CELF1: variants seen among roughly 807,000 people sequenced by gnomAD.
CELF1 encodes the protein 50 kDa nuclear polyadenylated RNA-binding protein.
In CELF1, 10 loss-of-function variants were observed where a neutral mutation model predicts 61.8. The ratio of observed to expected loss-of-function variants is 0.16; its 90% CI spans 0.10 to 0.27. The LOEUF (loss-of-function observed/expected upper bound fraction) is 0.27, where lower values mean the gene tolerates loss of function less well. CELF1 is among the 10% of genes least tolerant of loss of function. The pLI, the probability that CELF1 is intolerant of heterozygous loss-of-function variation, is 1.00. For synonymous variants in CELF1, 236 were observed against 225.1 expected (o/e 1.05, Z -0.43); for missense variants, 380 against 639.1 (o/e 0.59, Z 4.37).
chr11:47,491,381 T>C (rs1474082964), intron 3 of CELF1, among the ~76,000 whole-genome samples: 1 of 151,772 alleles, frequency 6.6e-6, no homozygotes, highest in East Asian at 1.9e-4. Context: ...CAGGCTGGTC[T>C]TGAACTGAGC....
At chr11:47,478,740 G>C in intron 10 of CELF1, 137 bp downstream of exon 10, 1 of 642,336 alleles carries the variant, frequency 1.6e-6, no homozygotes. Flanking sequence ...TGAGTCCTGG[G>C]ATGTTTATCC....
intron 7 of CELF1, 115 bp downstream of exon 7, chr11:47,484,274 C>T: frequency 9.0e-7 from 1 of 1,108,662 alleles, no homozygotes; most frequent in Admixed American, 2.5e-5. Context: ...GTGAAGGCAC[C>T]ACTGCACTCC....
At chr11:47,557,718 T>G (rs1012391403), upstream of CELF1, 3 of 150,110 alleles carry the variant, frequency 2.0e-5, no homozygotes, top group Non-Finnish European at 4.4e-5. Context: ...CAGAACTTAG[T>G]GCAGACACCT....
At chr11:47,541,061 G>A (rs776158677) in intron 1 of CELF1, among the ~76,000 whole-genome samples, 32 of 152,170 alleles carry the variant, frequency 2.1e-4, no homozygotes, top group Non-Finnish European at 4.4e-4. Context: ...TGCAGTGTGA[G>A]GGAAAGCGGC....
chr11:47,536,843 A>AAT (rs1458785412), intron 1 of CELF1, among the ~76,000 whole-genome samples: 1 of 152,216 alleles, frequency 6.6e-6, no homozygotes, highest in African/African-American at 2.4e-5. Flanking sequence ...AAAAACAATG[A>AAT]ATATATAATA....
chr11:47,508,572 A>T (rs1597362119), intron 1 of CELF1, among the ~76,000 whole-genome samples: 2 of 284 alleles, frequency 7.0e-3, no homozygotes, highest in Middle Eastern at 0.5. Flanking sequence ...ATTTCTTTAA[A>T]AAAAAAAAAA....
intron 1 of CELF1, among the ~76,000 whole-genome samples, chr11:47,518,230 C>T (rs773569022): frequency 6.6e-5 from 10 of 152,182 alleles, no homozygotes; most frequent in Non-Finnish European, 1.2e-4. Flanking sequence ...TTACATCACA[C>T]CATTTTAAAT....
intron 1 of CELF1, among the ~76,000 whole-genome samples, chr11:47,509,657 G>A (rs1156886973): frequency 1.3e-5 from 2 of 152,130 alleles, no homozygotes; most frequent in East Asian, 1.9e-4. Context: ...TTGGGAGGCC[G>A]AGGCAGGTGG....
chr11:47,494,280 CCT>C (rs761953620), intron 3 of CELF1: 120 of 562,756 alleles, frequency 2.1e-4, no homozygotes, highest in African/African-American at 2.0e-3. Context: ...AAACCTACCC[CCT>C]CTCTTTTTAT....
intron 1 of CELF1, among the ~76,000 whole-genome samples, chr11:47,520,468 C>A (rs2095827239): frequency 6.6e-6 from 1 of 152,174 alleles, no homozygotes; most frequent in African/African-American, 2.4e-5. Flanking sequence ...CCTTCCCATG[C>A]TCCCCTTGTA....
intron 9 of CELF1, among the ~76,000 whole-genome samples, chr11:47,481,096 C>CTTTTTTTTTTTTTTTTTTTTTTTT (rs2082869074): frequency 1.7e-5 from 1 of 57,624 alleles, no homozygotes; most frequent in Non-Finnish European, 3.8e-5. Flanking sequence ...TTTTTTTTTT[C>CTTTTTTTTTTTTTTTTTTTTTTTT]TTCTTCTTTT....
At chr11:47,559,205 C>T (rs775294889) in intron 2 of CELF1, among the ~76,000 whole-genome samples, 2 of 151,076 alleles carry the variant, frequency 1.3e-5, no homozygotes, top group African/African-American at 4.9e-5. Context: ...AAGCAATTCT[C>T]CTACCTCAGC....
In CELF1 at chr11:47,514,250, A is replaced by G. The variant is rs118049223; in HGVS notation, c.-153-13318T>C. 2.7e-3 allele frequency among the ~76,000 whole-genome samples: 408 copies of G among 152,288 alleles called. 1 individual carries two copies. Among genetic ancestry groups the G allele is most frequent in the South Asian group, 9.3e-3 (45 of 4,830 alleles). On this transcript the variant is annotated intron_variant, in intron 1 of 14. Coordinates refer to ENST00000687097, the MANE Select transcript of CELF1 (RefSeq NM_001376376.1). Reference sequence around the variant, plus strand: ...TCAAATACACAGAATTTTCAAATTCAATATTATACTAAGTATAATACTGCA... The same window carrying G: ...TCAAATACACAGAATTTTCAAATTCGATATTATACTAAGTATAATACTGCA...
chr11:47,552,946 C>T, intron 1 of CELF1, 46 bp downstream of exon 1: 1 of 397,012 alleles, frequency 2.5e-6, no homozygotes. Context: ...CCTTTTTTCC[C>T]CTCCCTCCCT....
chr11:47,501,990 T>TTAC (rs2153556880), intron 1 of CELF1, among the ~76,000 whole-genome samples: 1 of 152,312 alleles, frequency 6.6e-6, no homozygotes, highest in South Asian at 2.1e-4. Flanking sequence ...AATGGAGACA[T>TTAC]TACTGAGTTG....
intron 1 of CELF1, among the ~76,000 whole-genome samples, chr11:47,540,872 G>A (rs192895744): frequency 1.5e-3 from 226 of 150,596 alleles, no homozygotes; most frequent in African/African-American, 5.2e-3. Flanking sequence ...GCGACAGAGA[G>A]AGACTCCATC....
chr11:47,560,659 T>C (rs1356382447), intron 2 of CELF1, among the ~76,000 whole-genome samples: 1 of 152,150 alleles, frequency 6.6e-6, no homozygotes, highest in Non-Finnish European at 1.5e-5. Context: ...TTGGTGATAG[T>C]TGTGCAACCC....
At chr11:47,523,461 G>A (rs1415833882) in intron 1 of CELF1, 1 of 152,240 alleles carries the variant, frequency 6.6e-6, no homozygotes, top group Non-Finnish European at 1.5e-5. Context: ...CAGGATCCAG[G>A]AGAGGCTAAG....
In CELF1 at chr11:47,466,291, A is replaced by G. The variant is rs2076672275; in HGVS notation, c.*5939T>C. On this transcript the variant is annotated 3_prime_UTR_variant, in exon 15 of 15. Transcript: ENST00000687097. ...AAAAAGACATTTTCTTTTGCAAATC[A>G]AAACAGGAAAGAAAGGAAAAGCTCA... 6.6e-6 allele frequency: 1 copy of G among 152,238 alleles called. No homozygotes were observed. Among genetic ancestry groups the G allele is most frequent in the African/African-American group, 2.4e-5 (1 of 41,454 alleles). The allele number at this position is 152,238 out of a possible 1,614,324, so 9.4% of individuals were successfully genotyped here.
Sources: gnomAD v4.1 joint callset for allele counts (sites outside exome capture counted in the v4.1 genomes callset) on GRCh38, gnomAD v4.1.1 for gene constraint, MANE v1.5 for transcripts, NCBI Gene and HGNC (gene_info 2026-07-23, HGNC 2026-07-21) for gene names.